The following CNTNAP5 variants were observed in gnomAD, a reference collection of about 807,000 sequenced individuals.
CNTNAP5 encodes the protein contactin associated protein family member 5.
Under a neutral mutation model 150.2 loss-of-function variants are expected in CNTNAP5, and 72 were observed. That is an observed-to-expected ratio of 0.48 (90% CI 0.40 to 0.58). The LOEUF is 0.58. Ranked by LOEUF, CNTNAP5 falls within the 20% of genes least tolerant of loss-of-function variation. The pLI is 0.00. For missense variants in CNTNAP5, 1,636 were observed against 1,626.2 expected (o/e 1.01, Z -0.10); for synonymous variants, 672 against 619.8 (o/e 1.08, Z -1.25).
At chr2:124,419,896 TTTTC>T (rs776205045) in intron 4 of CNTNAP5, among the ~76,000 whole-genome samples, 7,310 of 85,072 alleles carry the variant, frequency 0.086, 355 homozygotes, top group Middle Eastern at 0.12. Context: ...ACTGGATTGG[TTTTC>T]TTTCTTTCTT....
intron 18 of CNTNAP5, among the ~76,000 whole-genome samples, chr2:124,792,592 T>A (rs1007530260): frequency 6.6e-6 from 1 of 152,180 alleles, no homozygotes; most frequent in African/African-American, 2.4e-5. Flanking sequence ...GTTTAGGATA[T>A]TCACACAGTT....
At chr2:124,355,949 C>A (rs1363900918) in intron 3 of CNTNAP5, among the ~76,000 whole-genome samples, 2 of 151,974 alleles carry the variant, frequency 1.3e-5, no homozygotes, top group Admixed American at 6.6e-5. Flanking sequence ...AACACGTCTG[C>A]AAATGAAATG....
intron 13 of CNTNAP5, among the ~76,000 whole-genome samples, chr2:124,707,040 AGGAGGAGGAGGAGGAGGAGGAGAG>A (rs1558743474): frequency 4.2e-4 from 48 of 114,828 alleles, no homozygotes; most frequent in African/African-American, 1.5e-3. Flanking sequence ...AAGAAGAAGA[AGGAGGAGGAGGAGGAGGAGGAGAG>A]GAAGAGGAAG....
Position 124,532,229 on chromosome 2 carries a change from T to C in CNTNAP5, c.1649+4773T>C, listed in dbSNP as rs537895971. ...GGACTTGCATTCCTCACATAAAAGT[T>C]TTTTTCTTTTCTCATGCTCAACCAG... On this transcript the variant is annotated intron_variant, in intron 10 of 23. Coordinates refer to ENST00000682447, the MANE Select transcript of CNTNAP5 (RefSeq NM_001367498.1). 1.3e-3 allele frequency among the ~76,000 whole-genome samples: 202 copies of C among 152,320 alleles called. 1 individual carries two copies. The highest frequency in any genetic ancestry group is 4.6e-3 in the African/African-American group (191 of 41,572).
chr2:124,074,050 A>C (rs574274070), intron 1 of CNTNAP5, among the ~76,000 whole-genome samples: 1 of 152,150 alleles, frequency 6.6e-6, no homozygotes, highest in Non-Finnish European at 1.5e-5. Flanking sequence ...TATGGATAGA[A>C]CTGAAAGTCA....
chr2:124,580,266 C>A (rs1696379376), intron 11 of CNTNAP5, among the ~76,000 whole-genome samples: 1 of 152,198 alleles, frequency 6.6e-6, no homozygotes, highest in South Asian at 2.1e-4. Flanking sequence ...CCTAAAGCTG[C>A]CTCTTTACAT....
chr2:124,786,495 G>GGAAGGAA, intron 17 of CNTNAP5, among the ~76,000 whole-genome samples: 1 of 120,446 alleles, frequency 8.3e-6, no homozygotes, highest in African/African-American at 4.0e-5. Flanking sequence ...AGGGAAGGAA[G>GGAAGGAA]GGAGGGAAAG....
At chr2:124,070,992 G>A (rs574063703) in intron 1 of CNTNAP5, among the ~76,000 whole-genome samples, 7 of 151,910 alleles carry the variant, frequency 4.6e-5, no homozygotes, top group Admixed American at 1.3e-4. Flanking sequence ...AAATAATATC[G>A]AGCATATTTT....
At chr2:124,701,024 A>G (rs1679509950) in intron 13 of CNTNAP5, among the ~76,000 whole-genome samples, 1 of 152,046 alleles carries the variant, frequency 6.6e-6, no homozygotes, top group Non-Finnish European at 1.5e-5. Flanking sequence ...GAGCAGCCAA[A>G]TCTACTAGTT....
intron 19 of CNTNAP5, among the ~76,000 whole-genome samples, chr2:124,848,177 GT>G (rs889772429): frequency 6.6e-6 from 1 of 151,976 alleles, no homozygotes; most frequent in African/African-American, 2.4e-5. Flanking sequence ...ACATCCTCTC[GT>G]TTCCCCAAAC....
At chr2:124,808,376 T>C (rs1293270053) in intron 19 of CNTNAP5, among the ~76,000 whole-genome samples, 2 of 151,912 alleles carry the variant, frequency 1.3e-5, no homozygotes, top group Non-Finnish European at 2.9e-5. Flanking sequence ...GAGGCCGAGG[T>C]CAGGAGTTCG....
In CNTNAP5 at chr2:124,092,412, A is replaced by G. The variant is rs79093787; in HGVS notation, c.82+66680A>G. Among the ~76,000 whole-genome samples, 1,224 of 152,336 alleles carry G rather than the reference A, an allele frequency of 8.0e-3. 18 individuals are homozygous for G. The highest frequency in any genetic ancestry group is 0.027 in the African/African-American group (1,114 of 41,580). On this transcript the variant is annotated intron_variant, in intron 1 of 23. Transcript: ENST00000682447. ...GCTTTTCCTCCTCCACCTTTAAAAG[A>G]GTAAACAAACATTCTCAGCCCGCAG...
At chr2:124,598,868 CTGAA>C (rs1696903044) in intron 11 of CNTNAP5, among the ~76,000 whole-genome samples, 1 of 152,124 alleles carries the variant, frequency 6.6e-6, no homozygotes, top group East Asian at 1.9e-4. Flanking sequence ...TTAAGCCGGT[CTGAA>C]AAGCGCAATA....
intron 3 of CNTNAP5, among the ~76,000 whole-genome samples, chr2:124,360,612 TC>T (rs1690171220): frequency 7.3e-6 from 1 of 137,548 alleles, no homozygotes; most frequent in Non-Finnish European, 1.6e-5. Context: ...AAAATTCTTT[TC>T]TTTAAGAATG....
intron 12 of CNTNAP5, among the ~76,000 whole-genome samples, chr2:124,620,866 C>T (rs1677600533): frequency 1.3e-5 from 2 of 151,888 alleles, no homozygotes; most frequent in South Asian, 4.2e-4. Context: ...GTGTCTACAA[C>T]CACTCTTACA....
intron 3 of CNTNAP5, among the ~76,000 whole-genome samples, chr2:124,330,922 C>T (rs1217654174): frequency 1.3e-5 from 2 of 152,014 alleles, no homozygotes; most frequent in African/African-American, 4.8e-5. Context: ...AAAATTATAA[C>T]CTCTCATTAG....
At chr2:124,081,150 G>A (rs1240399987) in intron 1 of CNTNAP5, among the ~76,000 whole-genome samples, 1 of 151,760 alleles carries the variant, frequency 6.6e-6, no homozygotes, top group Non-Finnish European at 1.5e-5. Context: ...TAAAAATTTT[G>A]TGTTACTAGA....
At chr2:124,444,472 G>A (rs932051117) in intron 5 of CNTNAP5, among the ~76,000 whole-genome samples, 6 of 152,064 alleles carry the variant, frequency 3.9e-5, no homozygotes, top group Admixed American at 6.6e-5. Context: ...GCCTGCGCCT[G>A]TAATCCCAGC....
chr2:124,229,478 C>G (rs1421458220), intron 2 of CNTNAP5, among the ~76,000 whole-genome samples: 1 of 152,114 alleles, frequency 6.6e-6, no homozygotes, highest in Non-Finnish European at 1.5e-5. Flanking sequence ...CAGCCTTCAT[C>G]TCATCACACA....
Sources: gnomAD v4.1 joint callset for allele counts (sites outside exome capture counted in the v4.1 genomes callset) on GRCh38, gnomAD v4.1.1 for gene constraint, MANE v1.5 for transcripts, NCBI Gene and HGNC (gene_info 2026-07-23, HGNC 2026-07-21) for gene names.